TMEM44: variants seen among roughly 807,000 people sequenced by gnomAD.
The protein encoded by TMEM44 is transmembrane protein 44.
In TMEM44, 43 loss-of-function variants were observed where a neutral mutation model predicts 47.8. The observed-to-expected ratio is 0.90, with a 90% CI of 0.70 to 1.16. The LOEUF (loss-of-function observed/expected upper bound fraction) is 1.16. Among genes scored for constraint, TMEM44 ranks in the 50% most tolerant of loss-of-function variants. The pLI is 0.00. For synonymous variants in TMEM44, 277 were observed against 238.8 expected, an observed-to-expected ratio of 1.16 and a Z score of -1.48; for missense variants, 568 against 555.2, an observed-to-expected ratio of 1.02 and a Z score of -0.23.
intron 7 of TMEM44, among the ~76,000 whole-genome samples, chr3:194,612,053 T>TAAATA (rs1016167820): frequency 2.5e-5 from 3 of 118,122 alleles, no homozygotes; most frequent in Non-Finnish European, 5.5e-5. Flanking sequence ...AATAAATAAA[T>TAAATA]AAATAAAATA....
chr3:194,626,474 T>C (rs1330057681), intron 2 of TMEM44, among the ~76,000 whole-genome samples: 1 of 152,160 alleles, frequency 6.6e-6, no homozygotes. Flanking sequence ...GCTCCTCTGA[T>C]AGTAGAGTTA....
chr3:194,591,158 T>G (rs1712642168), intron 9 of TMEM44, among the ~76,000 whole-genome samples: 1 of 151,912 alleles, frequency 6.6e-6, no homozygotes, highest in African/African-American at 2.4e-5. Context: ...TGTGTGATTG[T>G]ACTCCAGCCT....
Position 194,625,942 on chromosome 3 carries a change from A to C in TMEM44, c.313T>G (p.Phe105Val), listed in dbSNP as rs1431679096. Residue 105 changes from phenylalanine (F) to valine (V), a missense_variant, in exon 3 of 10, where the codon TTC becomes GTC. Coordinates refer to ENST00000347147, the MANE Select transcript of TMEM44 (RefSeq NM_001011655.3). ...GATCCACAGACTGGGAAGAGAATGAACATAAAGTTCACTAAGTCAATAGCT... is the reference window on the plus strand; with the variant it reads ...GATCCACAGACTGGGAAGAGAATGACCATAAAGTTCACTAAGTCAATAGCT... ...LAAIDLVNFM[F>V]ILFPVCGSKF... 1 of 1,613,938 alleles carries C rather than the reference A, an allele frequency of 6.2e-7. No homozygotes were observed. Among genetic ancestry groups the C allele is most frequent in the Admixed American group, 1.7e-5 (1 of 60,014 alleles).
intron 5 of TMEM44, among the ~76,000 whole-genome samples, chr3:194,619,422 G>A (rs6768983): frequency 0.38 from 57,085 of 151,864 alleles, 11,443 homozygotes; most frequent in East Asian, 0.75. Flanking sequence ...TCGGCAGCAC[G>A]CCCCAGCCTG....
chr3:194,626,074 A>G (rs1773189), intron 2 of TMEM44, 84 bp from the exon 3 acceptor site: 855,801 of 1,052,784 alleles, frequency 0.81, 348,951 homozygotes, highest in East Asian at 0.96. Flanking sequence ...ACCCTGTATC[A>G]CATGGGTTAC....
intron 8 of TMEM44, among the ~76,000 whole-genome samples, chr3:194,610,422 A>G (rs1019077744): frequency 2.6e-5 from 4 of 152,274 alleles, no homozygotes; most frequent in African/African-American, 9.6e-5. Context: ...AACTGCCTGA[A>G]AAGAGAGTAC....
At chr3:194,619,753 T>C (rs1352686510) in intron 5 of TMEM44, among the ~76,000 whole-genome samples, 1 of 152,160 alleles carries the variant, frequency 6.6e-6, no homozygotes, top group Non-Finnish European at 1.5e-5. Flanking sequence ...ACCCTAGCTC[T>C]CGGCTCTTCC....
At chr3:194,632,960 T>C in intron 1 of TMEM44, 119 bp downstream of exon 1, 1 of 1,370,180 alleles carries the variant, frequency 7.3e-7, no homozygotes, top group South Asian at 1.3e-5. Context: ...TGGATCCTAT[T>C]ACTGAGCCAT....
intron 8 of TMEM44, among the ~76,000 whole-genome samples, chr3:194,605,476 C>T (rs933381844): frequency 2.0e-5 from 3 of 152,232 alleles, no homozygotes; most frequent in Non-Finnish European, 4.4e-5. Context: ...GGGGAGGCCT[C>T]ACAATCACGG....
intron 8 of TMEM44, 137 bp downstream of exon 8, chr3:194,610,779 G>C (rs989801719): frequency 1.4e-6 from 1 of 739,730 alleles, no homozygotes; most frequent in Non-Finnish European, 2.3e-6. Context: ...TGCAGCCTTG[G>C]ACAGCTCCTT....
chr3:194,614,356 A>G (rs528308995), intron 7 of TMEM44, among the ~76,000 whole-genome samples: 27 of 152,198 alleles, frequency 1.8e-4, no homozygotes, highest in Admixed American at 3.3e-4. Context: ...TTAAAGATGC[A>G]TGTGAAAGTG....
Position 194,604,272 on chromosome 3 carries a change from G to A in TMEM44, c.1176+15C>T, listed in dbSNP as rs775143749. On this transcript the variant is annotated intron_variant, in intron 9 of 9. Transcript: ENST00000347147. ...TGGCACCCACGCACCCGCCCAGCAG[G>A]CAACAGCCGTGTACCTCCAGGTCGG... The A allele has an allele frequency of 6.4e-7, 1 of 1,573,352 alleles. No individual in the cohort carries two copies. The highest frequency in any genetic ancestry group is 8.6e-7 in the Non-Finnish European group (1 of 1,160,346).
Position 194,633,103 on chromosome 3 carries a change from G to C in TMEM44, c.113C>G (p.Ser38Cys). ...ISFGLWICASSCWIAAHALLL... is the reference protein window; with the variant it reads ...ISFGLWICASCCWIAAHALLL... Reference sequence around the variant, plus strand: ...CAGCGCGTGGGCGGCGATCCAGCAGGAGGAGGCGCAGATCCACAGGCCGAA... The same window carrying C: ...CAGCGCGTGGGCGGCGATCCAGCAGCAGGAGGCGCAGATCCACAGGCCGAA... The change falls in exon 1 of 10, where the codon TCC (serine) becomes TGC (cysteine). Residue 38 changes from serine (S) to cysteine (C), a missense_variant. By Grantham distance (112) the Ser-to-Cys change is moderately radical. Coordinates refer to ENST00000347147, the MANE Select transcript of TMEM44 (RefSeq NM_001011655.3). The C allele has an allele frequency of 6.5e-7, 1 of 1,550,032 alleles. No homozygotes were observed. Among genetic ancestry groups the C allele is most frequent in the Non-Finnish European group, 8.7e-7 (1 of 1,147,304 alleles).
intron 9 of TMEM44, among the ~76,000 whole-genome samples, chr3:194,600,639 T>C (rs1713983561): frequency 6.6e-6 from 1 of 151,960 alleles, no homozygotes; most frequent in Non-Finnish European, 1.5e-5. Context: ...TAGTCCCAGA[T>C]ACTCAGGAGG....
chr3:194,596,574 C>G (rs1577155463), intron 9 of TMEM44, among the ~76,000 whole-genome samples: 3 of 152,188 alleles, frequency 2.0e-5, no homozygotes, highest in African/African-American at 7.2e-5. Flanking sequence ...GGCAGATCAC[C>G]TGAGATCGGG....
In TMEM44 at chr3:194,617,231, G is replaced by C; in HGVS notation, c.651C>G (p.Thr217=). 1 of 1,550,402 alleles carries C rather than the reference G, an allele frequency of 6.4e-7. No homozygotes were observed. The highest frequency in any genetic ancestry group is 8.7e-7 in the Non-Finnish European group (1 of 1,146,644). The change falls in exon 6 of 10, where the codon ACC becomes ACG. Residue 217 remains threonine, a synonymous_variant. Coordinates refer to ENST00000347147, the MANE Select transcript of TMEM44 (RefSeq NM_001011655.3). Reference sequence around the variant, plus strand: ...GGCCAGCCAGGGCCGACAGGAGCCGGGTCCACAGGTGGATGGAGGGAAATG... The same window carrying C: ...GGCCAGCCAGGGCCGACAGGAGCCGCGTCCACAGGTGGATGGAGGGAAATG... The part of the protein sequence containing the change: ...GKTFPSIHLW[T]RLLSALAGLL...
chr3:194,627,317 G>GAGCT (rs1717285467), intron 2 of TMEM44, among the ~76,000 whole-genome samples: 1 of 152,218 alleles, frequency 6.6e-6, no homozygotes, highest in African/African-American at 2.4e-5. Flanking sequence ...TCTGCCAACT[G>GAGCT]AGCTGCCTTC....
intron 9 of TMEM44, chr3:194,590,276 C>CTAA (rs1199707584): frequency 6.6e-6 from 1 of 152,232 alleles, no homozygotes; most frequent in East Asian, 1.9e-4. Context: ...GAATCGAGTA[C>CTAA]TAATACTTGG....
In TMEM44 at chr3:194,632,271, A is replaced by G. The variant is rs73085046; in HGVS notation, c.137+808T>C. Among the ~76,000 whole-genome samples, 1,022 of 152,312 alleles carry G rather than the reference A, an allele frequency of 6.7e-3. 14 individuals carry two copies. The highest frequency in any genetic ancestry group is 0.022 in the African/African-American group (933 of 41,566). ...TTGCAGTACTGGGTAGTGGGGCTGC[A>G]GAATCTCTGCAATACGACCAAACGC... On this transcript the variant is annotated intron_variant, in intron 1 of 9. Transcript: ENST00000347147.
Sources: allele counts gnomAD v4.1 joint callset (sites outside exome capture counted in the v4.1 genomes callset), GRCh38; gene constraint gnomAD v4.1.1; transcripts MANE v1.5; gene names NCBI Gene and HGNC (gene_info 2026-07-23, HGNC 2026-07-21).